The following POSTN variants were observed in gnomAD, a reference collection of about 807,000 sequenced individuals.
The protein encoded by POSTN is osteoblast specific factor 2 (fasciclin I-like).
POSTN carries 71 observed loss-of-function variants against 104.5 expected under a neutral mutation model. The observed-to-expected ratio is 0.68, with a 90% confidence interval of 0.56 to 0.83. The LOEUF is 0.83. Among genes scored for constraint, POSTN ranks in the 40% least tolerant of loss-of-function variants. POSTN has a pLI of 0.00. For missense variants in POSTN, 949 were observed against 1,006.8 expected (o/e 0.94, Z 0.78); for synonymous variants, 355 against 340.7 (o/e 1.04, Z -0.46).
In POSTN at chr13:37,578,851, T is replaced by G. The variant is rs1239752255; in HGVS notation, c.1955A>C (p.Gln652Pro). ...TCAAGTAACTTTTAGTACCTTAATT[T>G]GGATGTATTTGATTAATTTATTAAG... Reference protein sequence around the residue: ...EILNKLIKYIQIKFVRGSTFK... With the variant: ...EILNKLIKYIPIKFVRGSTFK... Residue 652 changes from glutamine (Q) to proline (P), a missense_variant, in exon 15 of 23, where the codon CAA becomes CCA. Transcript: ENST00000379747. 2 of 1,576,948 alleles carry G rather than the reference T, an allele frequency of 1.3e-6. No individual in the cohort carries two copies. Among genetic ancestry groups the G allele is most frequent in the East Asian group, 2.3e-5 (1 of 44,404 alleles).
chr13:37,577,655 T>C, intron 16 of POSTN, 98 bp downstream of exon 16: 2 of 1,472,294 alleles, frequency 1.4e-6, no homozygotes, highest in Non-Finnish European at 1.8e-6. Context: ...GAATTCTAAA[T>C]ACCAGATTAT....
At chr13:37,587,091 A>G (rs371621479) in intron 5 of POSTN, among the ~76,000 whole-genome samples, 163 bp from the exon 6 acceptor site, 1 of 152,190 alleles carries the variant, frequency 6.6e-6, no homozygotes, top group Non-Finnish European at 1.5e-5. Context: ...ATGTTGTTAT[A>G]TCTAAAAAAG....
Position 37,563,277 on chromosome 13 carries a change from A to T in POSTN, c.*56T>A, listed in dbSNP as rs1246181706. ...GTCAACTTGGCTCTCACAATTTTCT[A>T]AGGTCAGGTTATTGACTTAGGGTTG... On this transcript the variant is annotated 3_prime_UTR_variant, in exon 23 of 23. Coordinates refer to ENST00000379747, the MANE Select transcript of POSTN (RefSeq NM_006475.3). 2 of 1,262,806 alleles carry T rather than the reference A, an allele frequency of 1.6e-6. No individual in the cohort carries two copies. Among genetic ancestry groups the T allele is most frequent in the Non-Finnish European group, 2.2e-6 (2 of 900,590 alleles). 78.2% of individuals were successfully genotyped at this position (1,262,806 alleles called of 1,614,324 possible).
intron 3 of POSTN, 121 bp from the exon 4 acceptor site, chr13:37,590,650 T>C: frequency 2.7e-6 from 2 of 740,978 alleles, no homozygotes; most frequent in East Asian, 3.2e-5. Context: ...GCAATACAAT[T>C]ATATGAATAA....
At chr13:37,564,902 A>C (rs1371580179) in intron 21 of POSTN, 1 of 182,976 alleles carries the variant, frequency 5.5e-6, no homozygotes, top group Non-Finnish European at 1.1e-5. Flanking sequence ...CTTATGATGA[A>C]GGGTTATTAA....
chr13:37,584,239 C>T (rs1950682362), intron 8 of POSTN, 136 bp from the exon 9 acceptor site: 2 of 1,071,526 alleles, frequency 1.9e-6, no homozygotes, highest in African/African-American at 3.2e-5. Flanking sequence ...AAGACATCCT[C>T]CTCCTCCCTA....
At chr13:37,574,886 A>T (rs1950361834) in intron 16 of POSTN, among the ~76,000 whole-genome samples, 1 of 151,906 alleles carries the variant, frequency 6.6e-6, no homozygotes, top group Admixed American at 6.6e-5. Flanking sequence ...TGAAATATAT[A>T]CTCACAAAGT....
intron 3 of POSTN, 144 bp downstream of exon 3, chr13:37,591,956 A>G: frequency 5.5e-6 from 3 of 546,192 alleles, no homozygotes; most frequent in Non-Finnish European, 9.9e-6. Context: ...TCATAAATTC[A>G]TGATTAACAC....
At chr13:37,593,190 C>T (rs1405801852) in intron 2 of POSTN, among the ~76,000 whole-genome samples, 9 of 149,780 alleles carry the variant, frequency 6.0e-5, no homozygotes, top group African/African-American at 2.4e-5. Context: ...CAAGATATCA[C>T]GATATACAAA....
In POSTN at chr13:37,579,921, A is replaced by G. The variant is rs1293583575; in HGVS notation, c.1600T>C (p.Phe534Leu). 1.9e-6 allele frequency: 3 copies of G among 1,613,594 alleles called. No homozygotes were observed. Among genetic ancestry groups the G allele is most frequent in the Admixed American group, 3.3e-5 (2 of 60,004 alleles). The change falls in exon 12 of 23, where the codon TTT (phenylalanine) becomes CTT (leucine). Residue 534 changes from phenylalanine to leucine, a missense_variant. Coordinates refer to ENST00000379747, the MANE Select transcript of POSTN (RefSeq NM_006475.3). ...LLTQPGDWTL[F>L]VPTNDAFKGM... is the part of the protein sequence containing the mutation. The stretch of plus-strand genomic sequence containing the variant: ...TTAAAAGCATCATTGGTTGGCACAA[A>G]TAATGTCCAGTCTCCAGGTTGTGTC...
chr13:37,586,817 A>C lies in POSTN; in HGVS notation c.718T>G (p.Phe240Val). ...LTQIGTSIQDFIEAEDDLSSF... is the reference protein window; with the variant it reads ...LTQIGTSIQDVIEAEDDLSSF... Reference sequence around the variant, plus strand: ...GAAAGGTCATCTTCTGCTTCAATGAAGTCTTGAATTGAGGTACCAATTTGT... The same window carrying C: ...GAAAGGTCATCTTCTGCTTCAATGACGTCTTGAATTGAGGTACCAATTTGT... The change falls in exon 6 of 23, where the codon TTC (phenylalanine) becomes GTC (valine). Residue 240 changes from phenylalanine (F) to valine (V), a missense_variant. By Grantham distance (50) the Phe-to-Val change is conservative. Transcript: ENST00000379747. 13 of 1,613,266 alleles carry C rather than the reference A, an allele frequency of 8.1e-6. No individual in the cohort carries two copies. Among genetic ancestry groups the C allele is most frequent in the Non-Finnish European group, 1.1e-5 (13 of 1,179,402 alleles).
intron 2 of POSTN, among the ~76,000 whole-genome samples, chr13:37,594,503 G>T (rs1951030380): frequency 8.4e-6 from 1 of 119,182 alleles, no homozygotes; most frequent in South Asian, 2.9e-4. Context: ...GTTCCCATAT[G>T]GTCAGTAGGG....
At chr13:37,572,552 G>A (rs1284727444) in intron 17 of POSTN, among the ~76,000 whole-genome samples, 1 of 151,438 alleles carries the variant, frequency 6.6e-6, no homozygotes, top group African/African-American at 2.4e-5. Flanking sequence ...TATTTCTTTA[G>A]AAAAGCCAAA....
chr13:37,594,116 A>T (rs1951017180), intron 2 of POSTN, among the ~76,000 whole-genome samples: 3 of 152,216 alleles, frequency 2.0e-5, no homozygotes, highest in Admixed American at 2.0e-4. Context: ...TATTTACATG[A>T]GCTCTTGTAA....
In POSTN at chr13:37,574,587, T is replaced by C. The variant is rs752458898; in HGVS notation, c.2074A>G (p.Ile692Val). The change falls in exon 17 of 23, where the codon ATT becomes GTT. Residue 692 changes from isoleucine (I) to valine (V), a missense_variant. By Grantham distance (29) the Ile-to-Val change is conservative. Coordinates refer to ENST00000379747, the MANE Select transcript of POSTN (RefSeq NM_006475.3). Reference sequence around the variant, plus strand: ...TGATTTTTACCTTCAGTTTTGATAATAGGCTGAAGACTGCCTTCAATCACT... The same window carrying C: ...TGATTTTTACCTTCAGTTTTGATAACAGGCTGAAGACTGCCTTCAATCACT... Reference protein sequence around the residue: ...IKVIEGSLQPIIKTEGPTLTK... With the variant: ...IKVIEGSLQPVIKTEGPTLTK... 3 of 1,592,740 alleles carry C rather than the reference T, an allele frequency of 1.9e-6. No individual in the cohort carries two copies. The highest frequency in any genetic ancestry group is 1.4e-5 in the African/African-American group (1 of 73,660).
At chr13:37,582,232 T>C (rs1255230664) in intron 10 of POSTN, 134 bp downstream of exon 10, 1 of 999,988 alleles carries the variant, frequency 1.0e-6, no homozygotes, top group Admixed American at 3.1e-5. Context: ...TCACCCAAGC[T>C]ACCCAGTTCC....
chr13:37,569,880 G>A, intron 19 of POSTN, 59 bp from the exon 20 acceptor site: 3 of 1,127,710 alleles, frequency 2.7e-6, no homozygotes, highest in South Asian at 2.5e-5. Context: ...CTTCTGCGAA[G>A]TGACAGAGAG....
intron 10 of POSTN, among the ~76,000 whole-genome samples, chr13:37,581,335 G>A (rs1402893280): frequency 6.6e-6 from 1 of 152,200 alleles, no homozygotes; most frequent in Non-Finnish European, 1.5e-5. Context: ...TTTAGTTGTA[G>A]CTGTACGTGT....
At position 37,563,237 on chromosome 13, in the gene POSTN, G is replaced by C; in HGVS notation, c.*96C>G. 1.5e-6 allele frequency: 1 copy of C among 678,948 alleles called. No individual in the cohort carries two copies. Among genetic ancestry groups the C allele is most frequent in the Non-Finnish European group, 2.5e-6 (1 of 405,196 alleles). The allele number at this position is 678,948 out of a possible 1,614,324, so 42.1% of individuals were successfully genotyped here. On this transcript the variant is annotated 3_prime_UTR_variant, in exon 23 of 23. Coordinates refer to ENST00000379747, the MANE Select transcript of POSTN (RefSeq NM_006475.3). Reference sequence around the variant, plus strand: ...TTGATGATTGCTTCTTTGTGCTGATGTTTCAGTTCCTGAAGTCAACTTGGC... The same window carrying C: ...TTGATGATTGCTTCTTTGTGCTGATCTTTCAGTTCCTGAAGTCAACTTGGC...
Sources: allele counts gnomAD v4.1 joint callset (sites outside exome capture counted in the v4.1 genomes callset), GRCh38; gene constraint gnomAD v4.1.1; transcripts MANE v1.5; gene names NCBI Gene and HGNC (gene_info 2026-07-23, HGNC 2026-07-21).